EYS: variants seen among roughly 807,000 people sequenced by gnomAD.
EYS encodes the protein protein eyes shut homolog.
EYS carries 250 observed loss-of-function variants against 282.1 expected under a neutral mutation model. The observed-to-expected ratio is 0.89, with a 90% CI of 0.80 to 0.98. The LOEUF is 0.98. Among genes scored for constraint, EYS ranks in the 50% least tolerant of loss-of-function variants. The probability of loss-of-function intolerance (pLI) is 0.00; values close to 1 mark genes in which losing one functional copy is unlikely to be tolerated. For synonymous variants in EYS, 1,355 were observed against 1,282.9 expected, an observed-to-expected ratio of 1.06 and a Z score of -1.20; for missense variants, 4,016 against 3,709.0, an observed-to-expected ratio of 1.08 and a Z score of -2.15.
chr6:64,842,090 G>T (rs1495533), intron 19 of EYS, among the ~76,000 whole-genome samples: 2 of 151,574 alleles, frequency 1.3e-5, no homozygotes, highest in Admixed American at 6.6e-5. Flanking sequence ...TGCACTATCT[G>T]TTACTCTCTA....
At chr6:64,270,253 T>G (rs950867626) in intron 30 of EYS, among the ~76,000 whole-genome samples, 2 of 152,138 alleles carry the variant, frequency 1.3e-5, no homozygotes, top group African/African-American at 4.8e-5. Flanking sequence ...AGTTGTGAAT[T>G]TTCTTCAAGA....
chr6:65,372,219 G>T (rs1268070077), intron 8 of EYS, among the ~76,000 whole-genome samples: 1 of 151,916 alleles, frequency 6.6e-6, no homozygotes, highest in African/African-American at 2.4e-5. Flanking sequence ...AAGGAGCTTT[G>T]TATAAAGCTC....
At chr6:63,953,932 G>A (rs1765705842) in intron 35 of EYS, among the ~76,000 whole-genome samples, 1 of 152,106 alleles carries the variant, frequency 6.6e-6, no homozygotes, top group Admixed American at 6.6e-5. Flanking sequence ...ACTTTTAGAG[G>A]CCCTCAAAAT....
At chr6:64,430,470 T>C (rs574134727) in intron 28 of EYS, among the ~76,000 whole-genome samples, 15 of 152,174 alleles carry the variant, frequency 9.9e-5, no homozygotes, top group Non-Finnish European at 2.1e-4. Context: ...AAATAGCGTA[T>C]ATATCAGTAC....
At chr6:64,355,124 A>G (rs1771782161) in intron 29 of EYS, among the ~76,000 whole-genome samples, 1 of 151,648 alleles carries the variant, frequency 6.6e-6, no homozygotes, top group Admixed American at 6.6e-5. Flanking sequence ...TACTATATCA[A>G]TGCAAACTAA....
chr6:64,530,077 T>C, intron 26 of EYS, among the ~76,000 whole-genome samples: 1 of 152,226 alleles, frequency 6.6e-6, no homozygotes, highest in Middle Eastern at 3.4e-3. Flanking sequence ...AATGTTGAAC[T>C]AAATTCTAGT....
intron 26 of EYS, among the ~76,000 whole-genome samples, chr6:64,481,941 A>T (rs1290308229): frequency 1.3e-5 from 2 of 151,736 alleles, no homozygotes; most frequent in Non-Finnish European, 3.0e-5. Context: ...ATACCAAAAA[A>T]GAAACTCAAA....
At chr6:65,456,051 G>C (rs932139273) in intron 5 of EYS, among the ~76,000 whole-genome samples, 2 of 146,582 alleles carry the variant, frequency 1.4e-5, no homozygotes, top group South Asian at 2.2e-4. Flanking sequence ...GAAAGAGAAA[G>C]AAAGAAAGAA....
At chr6:64,186,248 T>TACACAC (rs34727951) in intron 31 of EYS, among the ~76,000 whole-genome samples, 2,819 of 147,046 alleles carry the variant, frequency 0.019, 173 homozygotes, top group Admixed American at 0.13. Flanking sequence ...ATGTGTGTTT[T>TACACAC]ACACACACAC....
At chr6:64,346,221 T>C (rs1771387550) in intron 29 of EYS, among the ~76,000 whole-genome samples, 1 of 152,096 alleles carries the variant, frequency 6.6e-6, no homozygotes, top group African/African-American at 2.4e-5. Context: ...CAAAGGATTA[T>C]AAATCATGCT....
chr6:63,827,621 G>A (rs1022393328), intron 36 of EYS, among the ~76,000 whole-genome samples: 1 of 152,038 alleles, frequency 6.6e-6, no homozygotes, highest in Non-Finnish European at 1.5e-5. Flanking sequence ...GAGGCGGGTG[G>A]ATCATGAGGT....
chr6:64,819,983 A>G (rs775591041), intron 21 of EYS, among the ~76,000 whole-genome samples: 28 of 152,120 alleles, frequency 1.8e-4, no homozygotes, highest in Non-Finnish European at 3.8e-4. Context: ...GAAAATATAA[A>G]TTAAAATAAT....
At chr6:64,284,500 G>A (rs1275620019) in intron 30 of EYS, among the ~76,000 whole-genome samples, 1 of 152,082 alleles carries the variant, frequency 6.6e-6, no homozygotes, top group Non-Finnish European at 1.5e-5. Context: ...TGTGGTAGGT[G>A]GATCTACCAT....
At position 64,585,132 on chromosome 6, in the gene EYS, A is replaced by G. The variant is rs568556751; in HGVS notation, c.5644+5091T>C. On this transcript the variant is annotated intron_variant, in intron 26 of 42. Transcript: ENST00000503581. ...GTGCGTATACATCATTGAATACTAC[A>G]CAGCCATAAAAAGAACAAAATCATG... Among the ~76,000 whole-genome samples, 297 of 152,244 alleles carry G rather than the reference A, an allele frequency of 2.0e-3. 2 individuals are homozygous for G. Among genetic ancestry groups the G allele is most frequent in the African/African-American group, 6.7e-3 (280 of 41,570 alleles).
intron 23 of EYS, among the ~76,000 whole-genome samples, chr6:64,620,939 A>G (rs1287669690): frequency 1.3e-5 from 2 of 152,238 alleles, no homozygotes; most frequent in African/African-American, 4.8e-5. Flanking sequence ...CATAAGGAAT[A>G]AATGATTTAA....
At chr6:64,386,081 C>T (rs1176078775) in intron 29 of EYS, among the ~76,000 whole-genome samples, 1 of 152,178 alleles carries the variant, frequency 6.6e-6, no homozygotes, top group African/African-American at 2.4e-5. Flanking sequence ...TGTTAATGAT[C>T]TTTTGTGAAC....
chr6:65,233,218 C>T lies in EYS; in HGVS notation c.2023+62645G>A, dbSNP rs1240194591. Among the ~76,000 whole-genome samples, 5 of 152,028 alleles carry T rather than the reference C, an allele frequency of 3.3e-5. No individual in the cohort carries two copies. In the East Asian group the frequency reaches 9.6e-4, roughly 29 times the overall value. ...GTTTGCTTTTTCACTGTGTATGGGT[C>T]ATATTTTCTTGTTTCTTTGCATGTG... On this transcript the variant is annotated intron_variant, in intron 12 of 42. Coordinates refer to ENST00000503581, the MANE Select transcript of EYS (RefSeq NM_001142800.2).
intron 2 of EYS, among the ~76,000 whole-genome samples, chr6:65,496,402 A>T (rs183942250): frequency 2.0e-5 from 3 of 152,174 alleles, no homozygotes; most frequent in African/African-American, 7.2e-5. Flanking sequence ...GTAACTACCA[A>T]TTATTGAAGG....
intron 10 of EYS, among the ~76,000 whole-genome samples, chr6:65,340,321 T>G (rs959891077): frequency 1.3e-5 from 2 of 151,124 alleles, no homozygotes; most frequent in African/African-American, 2.4e-5. Flanking sequence ...CAGAAGCATT[T>G]GCATTTAAAA....
Sources: allele counts gnomAD v4.1 joint callset (sites outside exome capture counted in the v4.1 genomes callset), GRCh38; gene constraint gnomAD v4.1.1; transcripts MANE v1.5; gene names NCBI Gene and HGNC (gene_info 2026-07-23, HGNC 2026-07-21).